Variants in FREM3 observed in about 807,000 individuals in gnomAD.
The protein encoded by FREM3 is FRAS1-related extracellular matrix protein 3.
A neutral mutation model predicts 129.1 loss-of-function variants in FREM3; 105 were observed. The observed-to-expected ratio is 0.81, with a 90% CI of 0.69 to 0.96. FREM3 has a LOEUF of 0.96. FREM3 is among the 40% of genes least tolerant of loss of function. FREM3 has a pLI of 0.00. For missense variants in FREM3, 2,593 were observed against 2,666.3 expected (o/e 0.97, Z 0.61); for synonymous variants, 1,014 against 1,044.9 (o/e 0.97, Z 0.57).
At chr4:143,674,319 T>C (rs745428844) in intron 2 of FREM3, among the ~76,000 whole-genome samples, 7 of 152,238 alleles carry the variant, frequency 4.6e-5, no homozygotes, top group Middle Eastern at 6.8e-3. Context: ...AGAAATAAAA[T>C]ACTTTACAGA....
intron 6 of FREM3, among the ~76,000 whole-genome samples, chr4:143,607,623 G>A (rs893374222): frequency 2.6e-5 from 4 of 152,156 alleles, no homozygotes; most frequent in Admixed American, 2.0e-4. Context: ...AGGATTATGA[G>A]TGTAGCAGAG....
In FREM3 at chr4:143,696,320, A is replaced by C; in HGVS notation, c.4356T>G (p.Ser1452Arg). The C allele has an allele frequency of 1.3e-6, 2 of 1,537,412 alleles. No homozygotes were observed. Among genetic ancestry groups the C allele is most frequent in the Non-Finnish European group, 1.7e-6 (2 of 1,146,950 alleles). ...GATGTTCATCAGAGCTGTTGATGTC[A>C]CTGTTGGTAAGCAGATTGTTGGTAA... is the stretch of plus-strand genomic sequence containing the variant. ...VTLTNNLLTNSDINSSDEHHF... is the reference protein window; with the variant it reads ...VTLTNNLLTNRDINSSDEHHF... Residue 1452 changes from serine to arginine, a missense_variant, in exon 1 of 8, where the codon AGT (serine) becomes AGG (arginine). Physicochemically the swap from Ser to Arg is moderately radical, Grantham distance 110 (BLOSUM62 -1). Transcript: ENST00000329798.
At chr4:143,612,402 C>G (rs1360194722) in intron 5 of FREM3, among the ~76,000 whole-genome samples, 1 of 152,178 alleles carries the variant, frequency 6.6e-6, no homozygotes, top group Non-Finnish European at 1.5e-5. Flanking sequence ...GATATGTTTT[C>G]CCTTTTATTG....
At chr4:143,652,185 T>A (rs1739525972) in intron 2 of FREM3, among the ~76,000 whole-genome samples, 1 of 84,988 alleles carries the variant, frequency 1.2e-5, no homozygotes. Flanking sequence ...AGACGGAGTC[T>A]CGCTCTGTCG....
At chr4:143,578,421 TGATAATCAATGGAA>T (rs1738077728) in intron 7 of FREM3, among the ~76,000 whole-genome samples, 1 of 152,166 alleles carries the variant, frequency 6.6e-6, no homozygotes, top group Non-Finnish European at 1.5e-5. Flanking sequence ...GATCGTAACA[TGATAATCAATGGAA>T]TTAAATAGAA....
chr4:143,675,363 C>T (rs906975908), intron 2 of FREM3, among the ~76,000 whole-genome samples: 1 of 151,980 alleles, frequency 6.6e-6, no homozygotes, highest in Non-Finnish European at 1.5e-5. Context: ...ACACAACATA[C>T]CAGAATCTCT....
chr4:143,608,324 T>G (rs1161978441), intron 6 of FREM3, among the ~76,000 whole-genome samples: 2 of 152,164 alleles, frequency 1.3e-5, no homozygotes, highest in East Asian at 3.8e-4. Context: ...GTTAAGAAGC[T>G]GTCTCATTCT....
At chr4:143,651,550 A>G (rs4835630) in intron 2 of FREM3, among the ~76,000 whole-genome samples, 76,267 of 152,094 alleles carry the variant, frequency 0.5, 19,939 homozygotes, top group East Asian at 0.72. Flanking sequence ...ATTCATTTGC[A>G]CTATCTGCTC....
chr4:143,634,144 G>A (rs958286490), intron 2 of FREM3, among the ~76,000 whole-genome samples: 2 of 152,116 alleles, frequency 1.3e-5, no homozygotes, highest in African/African-American at 2.4e-5. Flanking sequence ...GTTTTAATTT[G>A]GCTTTGATGT....
At chr4:143,590,998 TC>T (rs1738350074) in intron 6 of FREM3, among the ~76,000 whole-genome samples, 1 of 152,366 alleles carries the variant, frequency 6.6e-6, no homozygotes, top group African/African-American at 2.4e-5. Context: ...TTTATCCATT[TC>T]TTCTAGATTT....
intron 7 of FREM3, among the ~76,000 whole-genome samples, chr4:143,580,368 A>T (rs1243067028): frequency 6.6e-6 from 1 of 152,114 alleles, no homozygotes; most frequent in East Asian, 1.9e-4. Flanking sequence ...CCCTCCTGGG[A>T]CCCACAGTTC....
In FREM3 at chr4:143,577,388, C is replaced by T. The variant is rs563323921; in HGVS notation, c.*223G>A. Reference sequence around the variant, plus strand: ...AAAGTAAAACAAAATAGAAAAAGAACATGAACACAGTCTAATTATTTGTGG... The same window carrying T: ...AAAGTAAAACAAAATAGAAAAAGAATATGAACACAGTCTAATTATTTGTGG... On this transcript the variant is annotated 3_prime_UTR_variant, in exon 8 of 8. Transcript: ENST00000329798. The T allele has an allele frequency of 1.9e-5, 10 of 519,364 alleles. No homozygotes were observed. The South Asian group carries it at 3.6e-4, about 19-fold the overall frequency. The allele number at this position is 519,364 out of a possible 1,614,324, so 32.2% of individuals were successfully genotyped here. A position where few individuals can be genotyped will look rare whatever the true frequency, so the allele number is the denominator to read the frequency against.
chr4:143,699,651 A>C lies in FREM3; in HGVS notation c.1025T>G (p.Leu342Arg), dbSNP rs1266482542. ...AEDVESDPGDLVFNILNAPTH... is the reference protein window; with the variant it reads ...AEDVESDPGDRVFNILNAPTH... The stretch of plus-strand genomic sequence containing the variant: ...GGGGGCGTTCAGAATGTTGAACACC[A>C]GGTCACCAGGGTCTGACTCGACGTC... Residue 342 changes from leucine (L) to arginine (R), a missense_variant, in exon 1 of 8, where the codon CTG (leucine) becomes CGG (arginine). Transcript: ENST00000329798. The surrounding 1 kb of genome is among the most constrained non-coding windows in gnomAD (Gnocchi z 4.2). 1 of 1,530,144 alleles carries C rather than the reference A, an allele frequency of 6.5e-7. No individual in the cohort carries two copies. Among genetic ancestry groups the C allele is most frequent in the African/African-American group, 1.4e-5 (1 of 72,982 alleles). The allele number at this position is 1,530,144 out of a possible 1,614,324, so 94.8% of individuals were successfully genotyped here. A position where few individuals can be genotyped will look rare whatever the true frequency, so the allele number is the denominator to read the frequency against.
chr4:143,622,123 C>T (rs1738962121), intron 4 of FREM3, among the ~76,000 whole-genome samples: 1 of 145,822 alleles, frequency 6.9e-6, no homozygotes, highest in African/African-American at 2.6e-5. Context: ...CAGGGTCTTG[C>T]TCTGTCACCC....
chr4:143,627,765 A>G lies in FREM3; in HGVS notation c.5276-5T>C, dbSNP rs762135401. ...GATTTGTTAGTTTATTTCCTCCTGC[A>G]ATTGATAGGGGCAAAGGAAAAGTCA... On this transcript the variant is annotated splice_polypyrimidine_tract_variant and splice_region_variant and intron_variant, in intron 2 of 7. Transcript: ENST00000329798. 4.4e-5 allele frequency: 68 copies of G among 1,532,888 alleles called. No homozygotes were observed. The African/African-American group carries it at 9.1e-4, about 20-fold the overall frequency. 95.0% of individuals were successfully genotyped at this position (1,532,888 alleles called of 1,614,324 possible). A position where few individuals can be genotyped will look rare whatever the true frequency, so the allele number is the denominator to read the frequency against.
At chr4:143,677,176 T>C (rs1437372435) in intron 2 of FREM3, among the ~76,000 whole-genome samples, 1 of 152,188 alleles carries the variant, frequency 6.6e-6, no homozygotes, top group Non-Finnish European at 1.5e-5. Flanking sequence ...AACAGCATGG[T>C]ACTGGTACCA....
At chr4:143,624,449 T>C (rs1739010526) in intron 3 of FREM3, 111 bp from the exon 4 acceptor site, 14 of 661,562 alleles carry the variant, frequency 2.1e-5, no homozygotes, top group South Asian at 1.6e-4. Flanking sequence ...AAATTGTTTC[T>C]TTTAATGCTC....
In FREM3 at chr4:143,675,533, C is replaced by T. The variant is rs530745367; in HGVS notation, c.5275+17580G>A. Among the ~76,000 whole-genome samples the T allele has an allele frequency of 2.5e-3, 381 of 152,236 alleles. 3 individuals carry two copies. The highest frequency in any genetic ancestry group is 7.4e-3 in the African/African-American group (306 of 41,522). ...AAAGCTAGCAGAAGGCAAGAAATAA[C>T]TAAGATCAGAGCAGAACTGAGGGAG... On this transcript the variant is annotated intron_variant, in intron 2 of 7. Coordinates refer to ENST00000329798, the MANE Select transcript of FREM3 (RefSeq NM_001168235.2).
intron 7 of FREM3, among the ~76,000 whole-genome samples, chr4:143,583,075 G>C (rs1466956646): frequency 6.6e-6 from 1 of 151,736 alleles, no homozygotes; most frequent in Non-Finnish European, 1.5e-5. Flanking sequence ...AAGAGATGGG[G>C]TTTTGCCATG....
Sources: allele counts gnomAD v4.1 joint callset (sites outside exome capture counted in the v4.1 genomes callset), GRCh38; gene constraint gnomAD v4.1.1; non-coding constraint Gnocchi (gnomAD v3.1); transcripts MANE v1.5; gene names NCBI Gene and HGNC (gene_info 2026-07-23, HGNC 2026-07-21).